The following PRDM15 variants were observed in gnomAD, a reference collection of about 807,000 sequenced individuals.
PRDM15 encodes PR domain zinc finger protein 15.
In PRDM15, 64 loss-of-function variants were observed where a neutral mutation model predicts 128.6. The ratio of observed to expected loss-of-function variants is 0.50; its 90% confidence interval spans 0.41 to 0.61. The LOEUF (loss-of-function observed/expected upper bound fraction) is 0.61. Ranked by LOEUF, PRDM15 falls within the 20% of genes least tolerant of loss-of-function variation. The pLI is 0.00. For missense variants in PRDM15, 1,242 were observed against 1,569.1 expected, an observed-to-expected ratio of 0.79 and a Z score of 3.52; for synonymous variants, 615 against 621.8, an observed-to-expected ratio of 0.99 and a Z score of 0.16.
At chr21:41,846,724 A>G (rs1440724874) in intron 6 of PRDM15, among the ~76,000 whole-genome samples, 2 of 152,248 alleles carry the variant, frequency 1.3e-5, no homozygotes, top group Non-Finnish European at 2.9e-5. Flanking sequence ...TCTGTCAGAT[A>G]AAGAAACAAT....
In PRDM15 at chr21:41,806,444, ACCACCAC is replaced by A. The variant is rs1410331883; in HGVS notation, c.2653-1837_2653-1831del. Among the ~76,000 whole-genome samples, 98 of 68,034 alleles carry A rather than the reference ACCACCAC, an allele frequency of 1.4e-3. 4 individuals are homozygous for A. Among genetic ancestry groups the A allele is most frequent in the African/African-American group, 6.1e-3 (87 of 14,286 alleles). The allele number at this position is 68,034 out of a possible 152,430, so 44.6% of individuals were successfully genotyped here. A position where few individuals can be genotyped will look rare whatever the true frequency, so the allele number is the denominator to read the frequency against. ...CACCACCATCACCACCACCACCATC[ACCACCAC>A]CCATCACCATCACCACCAGCACCAC... On this transcript the variant is annotated intron_variant, in intron 21 of 23. Coordinates refer to ENST00000398548, the MANE Select transcript of PRDM15 (RefSeq NM_001040424.3).
rs1186495350 is a variant in PRDM15 at position 41,799,969 on chromosome 21, C to G, written c.*1271G>C. 2 of 152,252 alleles carry G rather than the reference C, an allele frequency of 1.3e-5. No homozygotes were observed. Among genetic ancestry groups the G allele is most frequent in the Non-Finnish European group, 2.9e-5 (2 of 68,046 alleles). The allele number at this position is 152,252 out of a possible 1,614,324, so 9.4% of individuals were successfully genotyped here. ...CGAAACTGGTACACAGACGTGACAG[C>G]ACGTGTCCCCGCACACGCAGACCTG... is the stretch of plus-strand genomic sequence containing the variant. On this transcript the variant is annotated 3_prime_UTR_variant, in exon 24 of 24. Coordinates refer to ENST00000398548, the MANE Select transcript of PRDM15 (RefSeq NM_001040424.3).
In PRDM15 at chr21:41,861,513, C is replaced by T. The variant is rs769335413; in HGVS notation, c.-9-1141G>A. ...AGTGAGATACACACAGTATGTGCCA[C>T]CAAATGATTATTCCTCCTCTGCCCC... On this transcript the variant is annotated intron_variant, in intron 1 of 23. Coordinates refer to ENST00000398548, the MANE Select transcript of PRDM15 (RefSeq NM_001040424.3). 5.4e-6 allele frequency: 8 copies of T among 1,468,304 alleles called. No individual in the cohort carries two copies. In the South Asian group the frequency reaches 6.4e-5, roughly 12 times the overall value. 91.0% of individuals were successfully genotyped at this position (1,468,304 alleles called of 1,614,324 possible).
chr21:41,859,312 C>A lies in PRDM15; in HGVS notation c.131+280G>T. 2 of 1,240,346 alleles carry A rather than the reference C, an allele frequency of 1.6e-6. No homozygotes were observed. Among genetic ancestry groups the A allele is most frequent in the Non-Finnish European group, 2.3e-6 (2 of 865,094 alleles). The allele number at this position is 1,240,346 out of a possible 1,614,324, so 76.8% of individuals were successfully genotyped here. On this transcript the variant is annotated intron_variant, in intron 3 of 23. Coordinates refer to ENST00000398548, the MANE Select transcript of PRDM15 (RefSeq NM_001040424.3). This position sits in a 1 kb window ranked among gnomAD's most constrained non-coding sequence, Gnocchi z 5.3. ...CGTCAACCACCTTGGCAAGTCCACT[C>A]TTCTGCAGCCTCCACACACTGTGTC...
intron 5 of PRDM15, among the ~76,000 whole-genome samples, chr21:41,851,476 G>A (rs1161640808): frequency 1.3e-5 from 2 of 152,230 alleles, no homozygotes; most frequent in Non-Finnish European, 1.5e-5. Flanking sequence ...ACTGTGCCTC[G>A]AGAGGGACCC....
Position 41,879,126 on chromosome 21 carries a change from CG to C in PRDM15, c.-10+143del, listed in dbSNP as rs1326788403. The C allele has an allele frequency of 3.9e-6, 4 of 1,027,508 alleles. No homozygotes were observed. Among genetic ancestry groups the C allele is most frequent in the African/African-American group, 1.8e-5 (1 of 56,060 alleles). The allele number at this position is 1,027,508 out of a possible 1,614,324, so 63.6% of individuals were successfully genotyped here. ...AGAACAGTCGGCATGGCGGCTGGAC[CG>C]GGGCGGCGCGCGGCTGCCGGGCGCG... On this transcript the variant is annotated intron_variant, in intron 1 of 23. Transcript: ENST00000398548. The surrounding 1 kb of genome is among the most constrained non-coding windows in gnomAD (Gnocchi z 5.1).
At chr21:41,841,324 G>C (rs928062488) in intron 6 of PRDM15, among the ~76,000 whole-genome samples, 1 of 152,188 alleles carries the variant, frequency 6.6e-6, no homozygotes, top group African/African-American at 2.4e-5. Context: ...GACTTACCAA[G>C]AATAATAATG....
chr21:41,830,374 TAC>T (rs2062644508), intron 11 of PRDM15, among the ~76,000 whole-genome samples: 3 of 144,566 alleles, frequency 2.1e-5, no homozygotes, highest in African/African-American at 8.2e-5. Flanking sequence ...TACAAACACA[TAC>T]GCTCAGCACA....
rs549382518 is a variant in PRDM15, at chr21:41,840,381, G to C, written c.641-528C>G. ...GAACTGCTTGAACCCGGGAGGCGGAGCTTGCAGTGAACTGAGATAGCACCA... is the reference window on the plus strand; with the variant it reads ...GAACTGCTTGAACCCGGGAGGCGGACCTTGCAGTGAACTGAGATAGCACCA... On this transcript the variant is annotated intron_variant, in intron 6 of 23. Transcript: ENST00000398548. Among the ~76,000 whole-genome samples, 79 of 149,564 alleles carry C rather than the reference G, an allele frequency of 5.3e-4. 1 individual carries two copies. Among genetic ancestry groups the C allele is most frequent in the African/African-American group, 1.9e-3 (78 of 40,664 alleles).
chr21:41,867,194 T>G, intron 1 of PRDM15: 1 of 767,050 alleles, frequency 1.3e-6, no homozygotes, highest in Non-Finnish European at 2.2e-6. Flanking sequence ...ACACACAGAG[T>G]GACCCTGCAG....
At chr21:41,825,938 C>A in intron 13 of PRDM15, 22 bp downstream of exon 13, 2 of 1,564,566 alleles carry the variant, frequency 1.3e-6, no homozygotes, top group Non-Finnish European at 1.8e-6. Context: ...TCTCAGCGTC[C>A]GACGTGGACT....
intron 14 of PRDM15, 45 bp downstream of exon 14, chr21:41,823,273 G>C: frequency 3.8e-6 from 6 of 1,595,820 alleles, no homozygotes; most frequent in Non-Finnish European, 5.1e-6. Context: ...TGGCCTGGGG[G>C]CCTGCCGTGA....
At chr21:41,830,349 A>C (rs1333986018) in intron 11 of PRDM15, among the ~76,000 whole-genome samples, 2 of 151,064 alleles carry the variant, frequency 1.3e-5, no homozygotes, top group Non-Finnish European at 3.0e-5. Flanking sequence ...CCCACACACA[A>C]ATACACACAC....
intron 11 of PRDM15, 103 bp downstream of exon 11, chr21:41,835,334 A>G (rs2062835927): frequency 1.0e-6 from 1 of 958,446 alleles, no homozygotes. Flanking sequence ...CTGTCTATTC[A>G]TGAAAACAAT....
At position 41,801,518 on chromosome 21, in the gene PRDM15, C is replaced by A; in HGVS notation, c.3148G>T (p.Gly1050Cys). 1 of 1,614,162 alleles carries A rather than the reference C, an allele frequency of 6.2e-7. No homozygotes were observed. The highest frequency in any genetic ancestry group is 8.5e-7 in the Non-Finnish European group (1 of 1,180,040). Reference protein sequence around the residue: ...ILTVTFDTVSGSAMLHNRQND... With the variant: ...ILTVTFDTVSCSAMLHNRQND... The stretch of plus-strand genomic sequence containing the variant: ...TGGCGGTTGTGCAACATGGCAGAGC[C>A]GCTGACGGTATCAAAGGTCACGGTC... Residue 1050 changes from glycine (G) to cysteine (C), a missense_variant, in exon 24 of 24, where the codon GGC becomes TGC. By Grantham distance (159) the Gly-to-Cys change is radical (BLOSUM62 -3). Transcript: ENST00000398548.
intron 12 of PRDM15, among the ~76,000 whole-genome samples, chr21:41,827,488 T>G (rs941574564): frequency 1.3e-5 from 2 of 152,204 alleles, no homozygotes; most frequent in African/African-American, 4.8e-5. Flanking sequence ...TAGCTGGCAC[T>G]ACAAGTATGT....
chr21:41,821,523 G>GGAGGAGGGGGAGGA lies in PRDM15; in HGVS notation c.1897-307_1897-294dup, dbSNP rs1361966106. 3.9e-5 allele frequency among the ~76,000 whole-genome samples: 6 copies of GGAGGAGGGGGAGGA among 152,136 alleles called. No homozygotes were observed. The highest frequency in any genetic ancestry group is 1.3e-4 in the Admixed American group (2 of 15,286). On this transcript the variant is annotated intron_variant, in intron 15 of 23. Transcript: ENST00000398548. The surrounding 1 kb of genome is among the most constrained non-coding windows in gnomAD (Gnocchi z 5.4). ...TGAGGGCTTCAGGCCTCAGCAGGGA[G>GGAGGAGGGGGAGGA]GAGGAGGGGGAGGAGAGAAGGGGAG...
intron 6 of PRDM15, 98 bp from the exon 7 acceptor site, chr21:41,839,951 T>C: frequency 1.0e-6 from 1 of 989,542 alleles, no homozygotes; most frequent in Non-Finnish European, 1.5e-6. Flanking sequence ...GTTTTCAATC[T>C]TGTTTGCCAA....
In PRDM15 at chr21:41,821,812, A is replaced by C. The variant is rs1262438249; in HGVS notation, c.1896+91T>G. On this transcript the variant is annotated intron_variant, in intron 15 of 23. Transcript: ENST00000398548. This position sits in a 1 kb window ranked among gnomAD's most constrained non-coding sequence, Gnocchi z 5.4. ...GGAGGGAGGGCTGCTTCCGAGATGC[A>C]TGAAGGTGCCTGCTGTGTGGGGCCC... 6.6e-7 allele frequency: 1 copy of C among 1,514,024 alleles called. No homozygotes were observed. The highest frequency in any genetic ancestry group is 2.3e-5 in the East Asian group (1 of 44,262). 93.8% of individuals were successfully genotyped at this position (1,514,024 alleles called of 1,614,324 possible).
Sources: gnomAD v4.1 joint callset for allele counts (sites outside exome capture counted in the v4.1 genomes callset) on GRCh38, gnomAD v4.1.1 for gene constraint, Gnocchi (gnomAD v3.1) non-coding constraint, MANE v1.5 for transcripts, NCBI Gene and HGNC (gene_info 2026-07-23, HGNC 2026-07-21) for gene names.